The following PAN3 variants were observed in gnomAD, a reference collection of about 807,000 sequenced individuals.
PAN3 encodes the protein PAN2-PAN3 deadenylation complex subunit PAN3.
A neutral mutation model predicts 96.2 loss-of-function variants in PAN3; 19 were observed. The observed-to-expected ratio is 0.20, with a 90% CI of 0.14 to 0.29. PAN3 has a LOEUF of 0.29. Among genes scored for constraint, PAN3 ranks in the 10% least tolerant of loss-of-function variants. The pLI is 1.00. For missense variants in PAN3, 882 were observed against 1,108.1 expected (o/e 0.80, Z 2.90); for synonymous variants, 433 against 406.6 (o/e 1.06, Z -0.78).
chr13:28,140,345 A>T (rs1869557408), intron 1 of PAN3, among the ~76,000 whole-genome samples: 1 of 152,158 alleles, frequency 6.6e-6, no homozygotes, highest in Non-Finnish European at 1.5e-5. Flanking sequence ...GTTTCTTAGT[A>T]TATTGAGCGT....
At chr13:28,162,703 G>A (rs545891739) in intron 1 of PAN3, among the ~76,000 whole-genome samples, 24 of 151,638 alleles carry the variant, frequency 1.6e-4, no homozygotes, top group South Asian at 2.1e-4. Flanking sequence ...GCTAGGCTGG[G>A]CTCAGTAACT....
chr13:28,234,400 A>T (rs1882886269), intron 6 of PAN3, among the ~76,000 whole-genome samples: 1 of 152,032 alleles, frequency 6.6e-6, no homozygotes, highest in African/African-American at 2.4e-5. Flanking sequence ...AAAAATTAAA[A>T]TTTTTCATGT....
At chr13:28,191,431 T>C (rs747529234) in intron 4 of PAN3, among the ~76,000 whole-genome samples, 2 of 152,206 alleles carry the variant, frequency 1.3e-5, no homozygotes, top group African/African-American at 2.4e-5. Flanking sequence ...TTTGGTAATA[T>C]CTGGAGACAT....
chr13:28,182,174 A>G (rs1875874346), intron 4 of PAN3, among the ~76,000 whole-genome samples: 2 of 152,238 alleles, frequency 1.3e-5, no homozygotes, highest in Admixed American at 1.3e-4. Flanking sequence ...AAATGAAGTG[A>G]TTCAGTGCTA....
chr13:28,174,431 TATTCTAGGGCCAGAGGACATATAGA>T (rs745486564), intron 2 of PAN3, 38 bp downstream of exon 2: 1 of 1,598,944 alleles, frequency 6.3e-7, no homozygotes, highest in East Asian at 2.2e-5. Flanking sequence ...CTATGAAGTT[TATTCTAGGGCCAGAGGACATATAGA>T]GTCTTCATTT....
intron 6 of PAN3, among the ~76,000 whole-genome samples, chr13:28,225,288 A>G (rs1881876610): frequency 1.3e-5 from 2 of 152,200 alleles, no homozygotes; most frequent in South Asian, 4.1e-4. Context: ...CTTTTTATGA[A>G]CGTTGTAGAC....
chr13:28,235,499 T>C (rs1882994657), intron 6 of PAN3, among the ~76,000 whole-genome samples: 1 of 152,130 alleles, frequency 6.6e-6, no homozygotes, highest in Non-Finnish European at 1.5e-5. Flanking sequence ...GCTTGGGCCT[T>C]ATGTTGCCTG....
intron 9 of PAN3, among the ~76,000 whole-genome samples, chr13:28,265,365 G>A (rs1886074070): frequency 6.6e-6 from 1 of 152,194 alleles, no homozygotes; most frequent in South Asian, 2.1e-4. Context: ...ACACTTGGCA[G>A]TATACTGCCT....
At chr13:28,181,568 A>G (rs570525831) in intron 4 of PAN3, among the ~76,000 whole-genome samples, 1 of 151,990 alleles carries the variant, frequency 6.6e-6, no homozygotes, top group Non-Finnish European at 1.5e-5. Flanking sequence ...TCACAGCCAT[A>G]TATCTAGGCT....
intron 4 of PAN3, among the ~76,000 whole-genome samples, chr13:28,182,234 A>G (rs1032779609): frequency 1.4e-4 from 21 of 152,228 alleles, no homozygotes; most frequent in African/African-American, 4.8e-4. Flanking sequence ...TATGTAGGGC[A>G]ACCATGTATG....
rs1056046986 is a variant in PAN3, at chr13:28,245,595, T to C, written c.1001-10697T>C. Among the ~76,000 whole-genome samples the C allele has an allele frequency of 3.3e-5, 5 of 152,322 alleles. No homozygotes were observed. In the East Asian group the frequency reaches 9.6e-4, roughly 29 times the overall value. On this transcript the variant is annotated intron_variant, in intron 6 of 18. Coordinates refer to ENST00000380958, the MANE Select transcript of PAN3 (RefSeq NM_175854.8). ...CAGTAGGTTTTAATATATCAAAAGA[T>C]CATGGAACCATTACCATTCAAATTC...
chr13:28,266,997 A>G lies in PAN3; in HGVS notation c.1574-98A>G, dbSNP rs148662654. 626 of 1,323,018 alleles carry G rather than the reference A, an allele frequency of 4.7e-4. 4 individuals carry two copies. In the African/African-American group the frequency reaches 7.5e-3, roughly 16 times the overall value. The allele number at this position is 1,323,018 out of a possible 1,614,324, so 82.0% of individuals were successfully genotyped here. A position where few individuals can be genotyped will look rare whatever the true frequency, so the allele number is the denominator to read the frequency against. On this transcript the variant is annotated intron_variant, in intron 10 of 18. Transcript: ENST00000380958. ...ATTTTTATTTGGAAATTAGTACCTC[A>G]TGAGCAATGTATAAATATGGCAATT...
chr13:28,251,699 G>A (rs797008384), intron 6 of PAN3, among the ~76,000 whole-genome samples: 3 of 152,186 alleles, frequency 2.0e-5, no homozygotes, highest in African/African-American at 7.2e-5. Flanking sequence ...GTTTTACACA[G>A]CGGTTTTAGT....
chr13:28,244,299 A>T (rs1294531952), intron 6 of PAN3, among the ~76,000 whole-genome samples: 1 of 152,170 alleles, frequency 6.6e-6, no homozygotes, highest in Non-Finnish European at 1.5e-5. Context: ...ATAACAGCAT[A>T]TTTTAAAAAG....
At chr13:28,237,736 A>G (rs1254297548) in intron 6 of PAN3, among the ~76,000 whole-genome samples, 1 of 152,200 alleles carries the variant, frequency 6.6e-6, no homozygotes, top group Non-Finnish European at 1.5e-5. Flanking sequence ...TATATTTTTA[A>G]TCATATAGTA....
chr13:28,194,408 A>G (rs115993340), intron 4 of PAN3, among the ~76,000 whole-genome samples: 2,584 of 147,746 alleles, frequency 0.017, 92 homozygotes, highest in African/African-American at 0.061. Context: ...ATGTGTGTGT[A>G]TATATATACG....
intron 5 of PAN3, among the ~76,000 whole-genome samples, chr13:28,198,962 T>C (rs1878390447): frequency 6.6e-6 from 1 of 152,230 alleles, no homozygotes; most frequent in Non-Finnish European, 1.5e-5. Context: ...CTCCAGCTGA[T>C]ATTTTGGTAA....
intron 5 of PAN3, among the ~76,000 whole-genome samples, chr13:28,203,807 C>CTTTTTTTTTTTTTTTTTTTCTTTTT (rs767439908): frequency 1.4e-5 from 2 of 139,846 alleles, no homozygotes; most frequent in African/African-American, 2.6e-5. Flanking sequence ...TTTTTCTTTT[C>CTTTTTTTTTTTTTTTTTTTCTTTTT]TTTTTTTTTT....
At chr13:28,264,882 C>T (rs1487985368) in intron 9 of PAN3, among the ~76,000 whole-genome samples, 1 of 152,254 alleles carries the variant, frequency 6.6e-6, no homozygotes, top group East Asian at 1.9e-4. Flanking sequence ...CAGGTGGTGA[C>T]GTTTAAGAAC....
Sources: gnomAD v4.1 joint callset for allele counts (sites outside exome capture counted in the v4.1 genomes callset) on GRCh38, gnomAD v4.1.1 for gene constraint, MANE v1.5 for transcripts, NCBI Gene and HGNC (gene_info 2026-07-23, HGNC 2026-07-21) for gene names.